Variants in ZFPM2 observed in about 807,000 individuals in gnomAD.
ZFPM2 encodes zinc finger protein ZFPM2.
A neutral mutation model predicts 98.6 loss-of-function variants in ZFPM2; 20 were observed. The ratio of observed to expected loss-of-function variants is 0.20; its 90% CI spans 0.14 to 0.29. The LOEUF (loss-of-function observed/expected upper bound fraction) is 0.29. ZFPM2 is among the 10% of genes least tolerant of loss of function. The probability of loss-of-function intolerance (pLI) is 1.00; values close to 1 mark genes in which losing one functional copy is unlikely to be tolerated. For synonymous variants in ZFPM2, 518 were observed against 502.7 expected, an observed-to-expected ratio of 1.03 and a Z score of -0.41; for missense variants, 1,310 against 1,388.6, an observed-to-expected ratio of 0.94 and a Z score of 0.90.
intron 1 of ZFPM2, among the ~76,000 whole-genome samples, chr8:105,327,242 T>G (rs1238154197): frequency 1.3e-5 from 2 of 151,626 alleles, no homozygotes; most frequent in African/African-American, 4.8e-5. Context: ...TCAGTAATAA[T>G]CTCTAAAATT....
intron 3 of ZFPM2, among the ~76,000 whole-genome samples, chr8:105,459,965 C>A (rs1048879044): frequency 6.6e-6 from 1 of 152,054 alleles, no homozygotes; most frequent in Admixed American, 6.5e-5. Context: ...AACACTAGGG[C>A]CTTTGGGTTT....
At chr8:105,613,626 T>G (rs892915573) in intron 4 of ZFPM2, among the ~76,000 whole-genome samples, 8 of 152,142 alleles carry the variant, frequency 5.3e-5, no homozygotes, top group African/African-American at 1.9e-4. Flanking sequence ...GAAAATCACC[T>G]TAGCATCTTA....
intron 5 of ZFPM2, among the ~76,000 whole-genome samples, chr8:105,751,119 C>T (rs1470092813): frequency 3.9e-5 from 6 of 152,036 alleles, no homozygotes; most frequent in Admixed American, 3.3e-4. Context: ...TATTTTTCTA[C>T]TGCTAATCAC....
chr8:105,341,158 G>A (rs563827894), intron 1 of ZFPM2, among the ~76,000 whole-genome samples: 1 of 152,004 alleles, frequency 6.6e-6, no homozygotes, highest in South Asian at 2.1e-4. Context: ...ACTAAGGTAG[G>A]TATAGAACAT....
chr8:105,520,371 A>G (rs1814025357), intron 3 of ZFPM2, among the ~76,000 whole-genome samples: 1 of 152,198 alleles, frequency 6.6e-6, no homozygotes. Flanking sequence ...GAAGCTCAAC[A>G]TGCATGTCAA....
At chr8:105,354,446 TC>T (rs548987711) in intron 1 of ZFPM2, among the ~76,000 whole-genome samples, 250 of 152,338 alleles carry the variant, frequency 1.6e-3, no homozygotes, top group Non-Finnish European at 2.6e-3. Context: ...GACTTCACAC[TC>T]TTTTTTTGTT....
rs571923348 is a variant in ZFPM2 at position 105,324,456 on chromosome 8, C to G, written c.40+5475C>G. 1.4e-4 allele frequency among the ~76,000 whole-genome samples: 21 copies of G among 151,890 alleles called. No homozygotes were observed. The South Asian group carries it at 2.7e-3, about 20-fold the overall frequency. On this transcript the variant is annotated intron_variant, in intron 1 of 7. Transcript: ENST00000407775. ...GCCTTGCTATTCAAGAACTAATTAG[C>G]TCTTTTTTCAAATGATTTTTAAAAA...
rs76743842 is a variant in ZFPM2 at position 105,566,535 on chromosome 8, C to G, written c.420+5054C>G. On this transcript the variant is annotated intron_variant, in intron 4 of 7. Transcript: ENST00000407775. Reference sequence around the variant, plus strand: ...TACCTTTGAAGATTTTCCCCATATTCTCCCAAGGACAAAGATCCTTGCAAT... The same window carrying G: ...TACCTTTGAAGATTTTCCCCATATTGTCCCAAGGACAAAGATCCTTGCAAT... Among the ~76,000 whole-genome samples, 1,223 of 152,220 alleles carry G rather than the reference C, an allele frequency of 8.0e-3. 10 individuals carry two copies. Among genetic ancestry groups the G allele is most frequent in the African/African-American group, 0.027 (1,116 of 41,556 alleles).
intron 5 of ZFPM2, among the ~76,000 whole-genome samples, chr8:105,639,127 G>A (rs1038812478): frequency 1.3e-5 from 2 of 151,948 alleles, no homozygotes; most frequent in Non-Finnish European, 1.5e-5. Flanking sequence ...GTGAGCAAAG[G>A]CCTGCCCACT....
intron 1 of ZFPM2, among the ~76,000 whole-genome samples, chr8:105,413,568 A>G (rs985771727): frequency 2.7e-5 from 4 of 150,132 alleles, no homozygotes; most frequent in East Asian, 2.0e-4. Flanking sequence ...TGTTTCTTCA[A>G]TTGTATGATT....
intron 1 of ZFPM2, among the ~76,000 whole-genome samples, chr8:105,344,049 G>T (rs913951213): frequency 6.6e-6 from 1 of 152,116 alleles, no homozygotes; most frequent in African/African-American, 2.4e-5. Context: ...GAGGACTTGT[G>T]CAAGGGAACT....
chr8:105,561,570 A>G lies in ZFPM2; in HGVS notation c.420+89A>G, dbSNP rs558860504. On this transcript the variant is annotated intron_variant, in intron 4 of 7. Transcript: ENST00000407775. ...AGAAATTCTCTCTGCTTGCTTTCCA[A>G]TGAAATCACTAAAAATAACCATTTG... The G allele has an allele frequency of 5.8e-5, 60 of 1,029,228 alleles. No individual in the cohort carries two copies. In the East Asian group the frequency reaches 7.5e-4, roughly 13 times the overall value. 63.8% of individuals were successfully genotyped at this position (1,029,228 alleles called of 1,614,324 possible).
At chr8:105,485,311 G>GT (rs1364519536) in intron 3 of ZFPM2, among the ~76,000 whole-genome samples, 107 of 145,978 alleles carry the variant, frequency 7.3e-4, no homozygotes, top group East Asian at 5.7e-3. Context: ...TTGTTTGTTT[G>GT]TTTGTTTTTG....
chr8:105,515,022 C>T (rs1358002360), intron 3 of ZFPM2, among the ~76,000 whole-genome samples: 2 of 124,240 alleles, frequency 1.6e-5, no homozygotes, highest in Non-Finnish European at 3.1e-5. Context: ...TTGAAGGACA[C>T]AGGGTATAAC....
At chr8:105,664,235 G>T (rs1421324468) in intron 5 of ZFPM2, among the ~76,000 whole-genome samples, 1 of 151,896 alleles carries the variant, frequency 6.6e-6, no homozygotes, top group Admixed American at 6.6e-5. Flanking sequence ...ACTAAGTTAT[G>T]CAGATCTTGC....
intron 4 of ZFPM2, among the ~76,000 whole-genome samples, chr8:105,579,122 T>A (rs562110347): frequency 1.9e-3 from 283 of 152,282 alleles, no homozygotes; most frequent in African/African-American, 6.4e-3. Context: ...TACAATTTTT[T>A]AAAAAATGTT....
At chr8:105,650,311 T>A (rs1190944822) in intron 5 of ZFPM2, among the ~76,000 whole-genome samples, 1 of 152,160 alleles carries the variant, frequency 6.6e-6, no homozygotes, top group African/African-American at 2.4e-5. Flanking sequence ...ATTTTGTTGA[T>A]CTTCTCAAAA....
chr8:105,529,309 G>A (rs982997559), intron 3 of ZFPM2, among the ~76,000 whole-genome samples: 3 of 152,030 alleles, frequency 2.0e-5, no homozygotes, highest in Non-Finnish European at 2.9e-5. Flanking sequence ...ACATTCTGAG[G>A]TACTGGGGGT....
At chr8:105,481,134 T>C (rs1285350295) in intron 3 of ZFPM2, among the ~76,000 whole-genome samples, 1 of 152,092 alleles carries the variant, frequency 6.6e-6, no homozygotes, top group Non-Finnish European at 1.5e-5. Context: ...TAGGAGAACA[T>C]GTTACATCAT....
Sources: gnomAD v4.1 joint callset for allele counts (sites outside exome capture counted in the v4.1 genomes callset) on GRCh38, gnomAD v4.1.1 for gene constraint, MANE v1.5 for transcripts, NCBI Gene and HGNC (gene_info 2026-07-23, HGNC 2026-07-21) for gene names.